Variants in PDE4D observed in about 807,000 individuals in gnomAD.
PDE4D encodes phosphodiesterase 4D.
Under a neutral mutation model 87.4 loss-of-function variants are expected in PDE4D, and 24 were observed. That is an observed-to-expected ratio of 0.27 (90% confidence interval 0.20 to 0.39). The LOEUF is 0.39. Among genes scored for constraint, PDE4D ranks in the 10% least tolerant of loss-of-function variants. The probability of loss-of-function intolerance (pLI) is 1.00; values close to 1 mark genes in which losing one functional copy is unlikely to be tolerated. For missense variants in PDE4D, 714 were observed against 1,041.0 expected (o/e 0.69, Z 4.32); for synonymous variants, 384 against 383.2 (o/e 1.00, Z -0.02).
intron 1 of PDE4D, among the ~76,000 whole-genome samples, chr5:59,413,557 C>G (rs1167248371): frequency 2.0e-5 from 3 of 151,892 alleles, no homozygotes; most frequent in Non-Finnish European, 4.4e-5. Flanking sequence ...TTACAACCAC[C>G]TAACCTTTCT....
At chr5:59,200,974 T>C (rs1561693979) in intron 2 of PDE4D, among the ~76,000 whole-genome samples, 1 of 152,098 alleles carries the variant, frequency 6.6e-6, no homozygotes, top group South Asian at 2.1e-4. Context: ...TAATGAACCA[T>C]AAAAATTATA....
At chr5:59,292,041 G>A (rs1420360057) in intron 1 of PDE4D, among the ~76,000 whole-genome samples, 2 of 151,876 alleles carry the variant, frequency 1.3e-5, no homozygotes, top group Non-Finnish European at 2.9e-5. Context: ...AAAATGGAAG[G>A]CAAATAAGCA....
At chr5:59,245,773 G>C (rs1344917221) in intron 1 of PDE4D, among the ~76,000 whole-genome samples, 1 of 151,902 alleles carries the variant, frequency 6.6e-6, no homozygotes, top group East Asian at 1.9e-4. Context: ...CTTAAATGTA[G>C]ACAATATTAT....
At chr5:60,096,582 G>A (rs182615220) in intron 2 of PDE4D, among the ~76,000 whole-genome samples, 37 of 152,126 alleles carry the variant, frequency 2.4e-4, no homozygotes, top group African/African-American at 8.4e-4. Flanking sequence ...ATGAAAGAAG[G>A]CAACTTTAAG....
At chr5:59,334,816 A>G (rs927575718) in intron 1 of PDE4D, among the ~76,000 whole-genome samples, 6 of 152,116 alleles carry the variant, frequency 3.9e-5, no homozygotes, top group Non-Finnish European at 8.8e-5. Context: ...TAAATTAATT[A>G]CATTCTGTGT....
At chr5:60,416,474 C>A (rs1407586396) in intron 1 of PDE4D, among the ~76,000 whole-genome samples, 1 of 152,138 alleles carries the variant, frequency 6.6e-6, no homozygotes, top group Non-Finnish European at 1.5e-5. Flanking sequence ...AGCGAGACCA[C>A]AAACCCACTG....
chr5:59,747,453 G>A (rs1295657394), intron 1 of PDE4D, among the ~76,000 whole-genome samples: 6 of 152,110 alleles, frequency 3.9e-5, no homozygotes, highest in African/African-American at 1.4e-4. Context: ...GATAGTTGAG[G>A]AAAAACACAA....
At chr5:59,552,592 A>G (rs1377854985) in intron 1 of PDE4D, among the ~76,000 whole-genome samples, 2 of 152,204 alleles carry the variant, frequency 1.3e-5, no homozygotes, top group Non-Finnish European at 2.9e-5. Context: ...TAAACACTAT[A>G]TTCTTCTGTT....
chr5:59,297,640 C>G (rs1030485769), intron 1 of PDE4D, among the ~76,000 whole-genome samples: 4 of 152,058 alleles, frequency 2.6e-5, no homozygotes, highest in African/African-American at 9.7e-5. Flanking sequence ...CTTCTATCCT[C>G]CTATGTCCCC....
intron 2 of PDE4D, among the ~76,000 whole-genome samples, chr5:60,157,018 A>C (rs1782036132): frequency 6.6e-6 from 1 of 152,152 alleles, no homozygotes; most frequent in Non-Finnish European, 1.5e-5. Context: ...TGCTTTCCTG[A>C]ATATATTAAT....
At chr5:59,243,224 C>A (rs920523855) in intron 1 of PDE4D, among the ~76,000 whole-genome samples, 1 of 152,082 alleles carries the variant, frequency 6.6e-6, no homozygotes, top group African/African-American at 2.4e-5. Flanking sequence ...GAGGACTCAA[C>A]TTCTGAATTG....
chr5:59,360,296 A>T (rs1782011226), intron 1 of PDE4D, among the ~76,000 whole-genome samples: 1 of 152,188 alleles, frequency 6.6e-6, no homozygotes, highest in South Asian at 2.1e-4. Flanking sequence ...AAGCAGTTAC[A>T]TCAGTGGGGT....
rs559871104 is a variant in PDE4D at position 58,984,831 on chromosome 5, G to T, written c.1552+3662C>A. The stretch of plus-strand genomic sequence containing the variant: ...TCTGTACTTTTGATACTTTTTTTCA[G>T]AAAATAAAGCTAAGTTAAATATACC... On this transcript the variant is annotated intron_variant, in intron 11 of 14. Transcript: ENST00000340635. Among the ~76,000 whole-genome samples, 14 of 152,168 alleles carry T rather than the reference G, an allele frequency of 9.2e-5. No homozygotes were observed. The South Asian group carries it at 2.1e-3, about 23-fold the overall frequency.
chr5:59,771,432 A>AAAG (rs1491204261), intron 1 of PDE4D, among the ~76,000 whole-genome samples: 1 of 99,264 alleles, frequency 1.0e-5, no homozygotes, highest in African/African-American at 4.2e-5. Context: ...AAAGAAAAAG[A>AAAG]AAAAGAAAGA....
At chr5:59,079,375 A>G (rs1254576215) in intron 5 of PDE4D, among the ~76,000 whole-genome samples, 1 of 152,180 alleles carries the variant, frequency 6.6e-6, no homozygotes, top group Non-Finnish European at 1.5e-5. Flanking sequence ...TCACAAACCA[A>G]TGGTAGCCAC....
In PDE4D at chr5:60,404,574, C is replaced by G. The variant is rs1220972538; in HGVS notation, c.-90+83368G>C. On this transcript the variant is annotated intron_variant, in intron 1 of 16. Coordinates refer to the PDE4D transcript ENST00000502484. ...TACTAGCCACATGTGGCTATTGAGCCCTGGAAATGAGATTGTGTGGCCCAG... is the reference window on the plus strand; with the variant it reads ...TACTAGCCACATGTGGCTATTGAGCGCTGGAAATGAGATTGTGTGGCCCAG... Among the ~76,000 whole-genome samples the G allele has an allele frequency of 2.0e-5, 3 of 152,060 alleles. No individual in the cohort carries two copies. In the East Asian group the frequency reaches 5.8e-4, roughly 29 times the overall value.
chr5:60,184,095 A>C (rs1359383574), intron 2 of PDE4D, among the ~76,000 whole-genome samples: 2 of 152,198 alleles, frequency 1.3e-5, no homozygotes, highest in Non-Finnish European at 2.9e-5. Context: ...AAACAAATAC[A>C]AATAGGAAGT....
chr5:59,224,161 G>A (rs1208655645), intron 1 of PDE4D, among the ~76,000 whole-genome samples: 1 of 145,380 alleles, frequency 6.9e-6, no homozygotes, highest in Non-Finnish European at 1.5e-5. Flanking sequence ...CAGGCACGAT[G>A]ATGGCACAAG....
At chr5:59,981,778 C>T (rs958657561) in intron 3 of PDE4D, among the ~76,000 whole-genome samples, 1 of 152,146 alleles carries the variant, frequency 6.6e-6, no homozygotes, top group Admixed American at 6.5e-5. Context: ...ATGAAATGCC[C>T]ATTAATACCT....
Sources: gnomAD v4.1 joint callset for allele counts (sites outside exome capture counted in the v4.1 genomes callset) on GRCh38, gnomAD v4.1.1 for gene constraint, MANE v1.5 for transcripts, NCBI Gene and HGNC (gene_info 2026-07-23, HGNC 2026-07-21) for gene names.